Variants in CSMD1 observed in about 807,000 individuals in gnomAD.
CSMD1 encodes the protein CUB and sushi domain-containing protein 1.
In CSMD1, 213 loss-of-function variants were observed where a neutral mutation model predicts 417.5. The observed-to-expected ratio is 0.51, with a 90% confidence interval of 0.46 to 0.57. The LOEUF is 0.57. CSMD1 is among the 20% of genes least tolerant of loss of function. The pLI is 0.00. For synonymous variants in CSMD1, 2,862 were observed against 1,736.8 expected, an observed-to-expected ratio of 1.65 and a Z score of -16.11; for missense variants, 6,923 against 4,529.7, an observed-to-expected ratio of 1.53 and a Z score of -15.17.
chr8:3,781,257 C>G (rs549729559), intron 5 of CSMD1, among the ~76,000 whole-genome samples: 4 of 152,278 alleles, frequency 2.6e-5, no homozygotes, highest in East Asian at 1.9e-4. Context: ...AGAATGTGCA[C>G]TACCACAGAG....
intron 4 of CSMD1, among the ~76,000 whole-genome samples, chr8:4,007,386 C>T (rs1041577904): frequency 3.9e-5 from 6 of 152,200 alleles, no homozygotes; most frequent in African/African-American, 1.4e-4. Context: ...CTTCCTGGGG[C>T]CAGGGCACCT....
chr8:4,016,780 T>C (rs1360242516), intron 4 of CSMD1, among the ~76,000 whole-genome samples: 1 of 152,234 alleles, frequency 6.6e-6, no homozygotes, highest in Admixed American at 6.5e-5. Flanking sequence ...TTTATGTGTA[T>C]AGTTGGGTTT....
intron 5 of CSMD1, among the ~76,000 whole-genome samples, chr8:3,991,652 G>T (rs563972904): frequency 6.6e-6 from 1 of 152,294 alleles, no homozygotes; most frequent in Non-Finnish European, 1.5e-5. Flanking sequence ...TTCTTTGTAT[G>T]CACTAAGGCA....
chr8:3,186,722 C>A (rs1821783473), intron 36 of CSMD1, among the ~76,000 whole-genome samples: 2 of 152,104 alleles, frequency 1.3e-5, no homozygotes, highest in African/African-American at 4.8e-5. Context: ...TAGAGATAAA[C>A]AACTGACAGA....
chr8:3,599,529 C>A (rs539112692), intron 8 of CSMD1, among the ~76,000 whole-genome samples: 4 of 152,158 alleles, frequency 2.6e-5, no homozygotes, highest in African/African-American at 9.7e-5. Flanking sequence ...GTAACCCCAA[C>A]GCAGCATTGT....
chr8:4,423,894 C>T (rs954888254), intron 2 of CSMD1, among the ~76,000 whole-genome samples: 2 of 151,982 alleles, frequency 1.3e-5, no homozygotes, highest in African/African-American at 4.8e-5. Context: ...TGGATCAGAA[C>T]AAAGAACCCA....
chr8:4,841,885 G>A (rs1471426157), intron 1 of CSMD1, among the ~76,000 whole-genome samples: 2 of 131,664 alleles, frequency 1.5e-5, no homozygotes, highest in Middle Eastern at 3.9e-3. Context: ...CACTCTAGCC[G>A]GGGCAACAAG....
chr8:4,221,461 G>A (rs775085664), intron 3 of CSMD1, among the ~76,000 whole-genome samples: 1 of 151,870 alleles, frequency 6.6e-6, no homozygotes, highest in Non-Finnish European at 1.5e-5. Flanking sequence ...TGACTTAGCA[G>A]AATTGATAAA....
chr8:3,635,868 A>G (rs764010328), intron 7 of CSMD1, among the ~76,000 whole-genome samples: 2 of 151,654 alleles, frequency 1.3e-5, no homozygotes, highest in Non-Finnish European at 2.9e-5. Context: ...GTTACTCTAC[A>G]TTTGTAACAC....
intron 6 of CSMD1, among the ~76,000 whole-genome samples, chr8:3,751,663 T>C (rs1797349870): frequency 6.6e-6 from 1 of 151,966 alleles, no homozygotes; most frequent in African/African-American, 2.4e-5. Context: ...AAAATCAACG[T>C]CTGATACATC....
chr8:4,970,335 T>A (rs925814255), intron 1 of CSMD1, among the ~76,000 whole-genome samples: 2 of 152,140 alleles, frequency 1.3e-5, no homozygotes, highest in African/African-American at 4.8e-5. Context: ...GGATGTGTAT[T>A]AAAGTACCCA....
intron 26 of CSMD1, among the ~76,000 whole-genome samples, chr8:3,254,820 C>A (rs951908137): frequency 1.3e-5 from 2 of 152,096 alleles, no homozygotes; most frequent in Non-Finnish European, 2.9e-5. Flanking sequence ...GTTCAAACTT[C>A]CTCCTTTAGC....
intron 30 of CSMD1, among the ~76,000 whole-genome samples, chr8:3,207,031 C>T (rs976756918): frequency 2.0e-5 from 3 of 152,028 alleles, no homozygotes; most frequent in African/African-American, 7.3e-5. Context: ...ACTGCACTTC[C>T]TATCTTGGAT....
chr8:3,464,557 TCTA>T (rs1816693926), intron 12 of CSMD1, among the ~76,000 whole-genome samples: 1 of 147,738 alleles, frequency 6.8e-6, no homozygotes, highest in African/African-American at 2.6e-5. Flanking sequence ...ATGGATTCTA[TCTA>T]TTATAAATAT....
At chr8:3,763,562 G>T (rs1026505471) in intron 5 of CSMD1, among the ~76,000 whole-genome samples, 1 of 152,130 alleles carries the variant, frequency 6.6e-6, no homozygotes, top group African/African-American at 2.4e-5. Flanking sequence ...AGCCAAGCAG[G>T]TGCTAGCCCC....
At chr8:3,782,676 C>T (rs1158585637) in intron 5 of CSMD1, among the ~76,000 whole-genome samples, 2 of 152,110 alleles carry the variant, frequency 1.3e-5, no homozygotes, top group Non-Finnish European at 2.9e-5. Flanking sequence ...TCAGAGTCAA[C>T]AATGTTTGAG....
intron 26 of CSMD1, among the ~76,000 whole-genome samples, chr8:3,240,954 G>A (rs1317757063): frequency 2.0e-5 from 3 of 151,854 alleles, no homozygotes; most frequent in Middle Eastern, 3.2e-3. Flanking sequence ...GCTGTGGGAT[G>A]GGATATTGGC....
At chr8:3,924,067 G>T (rs1231169013) in intron 5 of CSMD1, among the ~76,000 whole-genome samples, 2 of 152,166 alleles carry the variant, frequency 1.3e-5, no homozygotes, top group Non-Finnish European at 2.9e-5. Context: ...AGCGTTTCTT[G>T]CAGGGTATAT....
chr8:4,691,718 AG>A (rs1228784467), intron 1 of CSMD1, among the ~76,000 whole-genome samples: 6 of 152,220 alleles, frequency 3.9e-5, no homozygotes, highest in African/African-American at 1.4e-4. Context: ...AATTTCCTGA[AG>A]GTCCAGGTAC....
Sources: allele counts gnomAD v4.1 joint callset (sites outside exome capture counted in the v4.1 genomes callset), GRCh38; gene constraint gnomAD v4.1.1; transcripts MANE v1.5; gene names NCBI Gene and HGNC (gene_info 2026-07-23, HGNC 2026-07-21).